EXOC6: variants seen among roughly 807,000 people sequenced by gnomAD.
EXOC6 encodes the protein exocyst complex component 6.
A neutral mutation model predicts 112.5 loss-of-function variants in EXOC6; 60 were observed. The observed-to-expected ratio is 0.53, with a 90% CI of 0.43 to 0.66. The LOEUF (loss-of-function observed/expected upper bound fraction) is 0.66. Ranked by LOEUF, EXOC6 falls within the 30% of genes least tolerant of loss-of-function variation. The pLI is 0.00. For missense variants in EXOC6, 855 were observed against 957.1 expected (o/e 0.89, Z 1.41); for synonymous variants, 295 against 308.0 (o/e 0.96, Z 0.44).
At chr10:93,027,035 G>A (rs1347463238) in intron 20 of EXOC6, among the ~76,000 whole-genome samples, 2 of 152,162 alleles carry the variant, frequency 1.3e-5, no homozygotes, top group African/African-American at 4.8e-5. Context: ...AATAATTATT[G>A]AAGGAAATTA....
intron 18 of EXOC6, among the ~76,000 whole-genome samples, chr10:92,995,406 ATTAAT>A (rs61702215): frequency 0.26 from 39,383 of 151,956 alleles, 5,160 homozygotes; most frequent in Middle Eastern, 0.37. Context: ...TGCTTATGAA[ATTAAT>A]TTAATAGTAA....
chr10:93,034,817 C>T (rs1017781897), intron 20 of EXOC6, among the ~76,000 whole-genome samples: 1 of 152,188 alleles, frequency 6.6e-6, no homozygotes, highest in African/African-American at 2.4e-5. Context: ...ATATTGTATA[C>T]ACACCCTGCC....
intron 1 of EXOC6, among the ~76,000 whole-genome samples, chr10:92,853,779 G>A (rs1847463257): frequency 6.6e-6 from 1 of 152,026 alleles, no homozygotes; most frequent in Non-Finnish European, 1.5e-5. Context: ...AAAACTATAA[G>A]ACTACTAGAA....
chr10:92,990,549 CTTCA>C (rs1319943432), intron 18 of EXOC6, among the ~76,000 whole-genome samples: 1 of 152,126 alleles, frequency 6.6e-6, no homozygotes, highest in Non-Finnish European at 1.5e-5. Flanking sequence ...ATGAGAGTTA[CTTCA>C]TTCATGTTAA....
intron 1 of EXOC6, among the ~76,000 whole-genome samples, chr10:92,853,667 A>G (rs1847457516): frequency 6.6e-6 from 1 of 152,226 alleles, no homozygotes; most frequent in African/African-American, 2.4e-5. Flanking sequence ...ATGGTGGTGG[A>G]AAAATTGGAT....
At chr10:92,886,052 AAG>A (rs1358502162) in intron 1 of EXOC6, among the ~76,000 whole-genome samples, 3 of 152,162 alleles carry the variant, frequency 2.0e-5, no homozygotes, top group African/African-American at 7.2e-5. Flanking sequence ...GGGAGACTGA[AAG>A]AACGAAAAAT....
chr10:92,999,524 G>A lies in EXOC6; in HGVS notation c.2095+1909G>A, dbSNP rs529924389. 5.8e-5 allele frequency: 13 copies of A among 224,564 alleles called. No homozygotes were observed. In the East Asian group the frequency reaches 1.7e-3, roughly 30 times the overall value. 13.9% of individuals were successfully genotyped at this position (224,564 alleles called of 1,614,324 possible). A position where few individuals can be genotyped will look rare whatever the true frequency, so the allele number is the denominator to read the frequency against. On this transcript the variant is annotated intron_variant, in intron 19 of 21. Coordinates refer to ENST00000260762, the MANE Select transcript of EXOC6 (RefSeq NM_019053.6). ...TAAGCATTGCTCAAGACATTTTCGT[G>A]TTACAGTAGTCCCTCTTATCCACAG...
rs540518203 is a variant in EXOC6 at position 93,042,748 on chromosome 10, C to T, written c.2170-14176C>T. 5.3e-5 allele frequency among the ~76,000 whole-genome samples: 8 copies of T among 152,062 alleles called. No individual in the cohort carries two copies. In the South Asian group the frequency reaches 1.5e-3, roughly 28 times the overall value. On this transcript the variant is annotated intron_variant, in intron 20 of 21. Coordinates refer to ENST00000260762, the MANE Select transcript of EXOC6 (RefSeq NM_019053.6). ...TGGTAACCCAAACAGACTAAGACAG[C>T]GTCATAAGAAGTATTAACTCTGAAG...
chr10:92,979,453 G>A (rs1842750673), intron 18 of EXOC6, among the ~76,000 whole-genome samples: 1 of 152,198 alleles, frequency 6.6e-6, no homozygotes, highest in Admixed American at 6.5e-5. Flanking sequence ...TCTGCTCACA[G>A]GACATGAGAA....
chr10:93,006,735 G>A (rs1428603309), intron 19 of EXOC6, among the ~76,000 whole-genome samples: 1 of 152,142 alleles, frequency 6.6e-6, no homozygotes, highest in Non-Finnish European at 1.5e-5. Flanking sequence ...CAAAACTTGA[G>A]TTCTTACTAG....
At position 93,053,668 on chromosome 10, in the gene EXOC6, A is replaced by G. The variant is rs1303075322; in HGVS notation, c.2170-3256A>G. On this transcript the variant is annotated intron_variant, in intron 20 of 21. Transcript: ENST00000260762. Reference sequence around the variant, plus strand: ...GCATAAGCTAAAGTAGCCTGTACTTATAAAGCCTAAGAAAAAAGCTCCCAA... The same window carrying G: ...GCATAAGCTAAAGTAGCCTGTACTTGTAAAGCCTAAGAAAAAAGCTCCCAA... Among the ~76,000 whole-genome samples, 4 of 152,366 alleles carry G rather than the reference A, an allele frequency of 2.6e-5. No individual in the cohort carries two copies. The East Asian group carries it at 7.7e-4, about 29-fold the overall frequency.
chr10:92,848,492 C>T (rs1237221568), upstream of EXOC6: 2 of 1,278,950 alleles, frequency 1.6e-6, no homozygotes, highest in Admixed American at 2.8e-5. Flanking sequence ...CCCGTCGTTC[C>T]CGCGGCGCCG....
upstream of EXOC6, chr10:92,834,681 AC>A: frequency 1.5e-6 from 2 of 1,343,464 alleles, no homozygotes; most frequent in Non-Finnish European, 2.1e-6. Flanking sequence ...ATAAATTACA[AC>A]AGTTTTTCAC....
intron 2 of EXOC6, 50 bp from the exon 3 acceptor site, chr10:92,894,744 G>C (rs745357682): frequency 6.9e-7 from 1 of 1,449,458 alleles, no homozygotes; most frequent in South Asian, 1.2e-5. Flanking sequence ...AGTTACATCA[G>C]GGCAGTTTTA....
chr10:93,004,281 G>A (rs1360324069), intron 19 of EXOC6, among the ~76,000 whole-genome samples: 1 of 152,116 alleles, frequency 6.6e-6, no homozygotes, highest in Non-Finnish European at 1.5e-5. Context: ...GAAATTGCAG[G>A]TATCTTACAG....
chr10:92,993,590 A>G (rs1843357701), intron 18 of EXOC6, among the ~76,000 whole-genome samples: 1 of 152,210 alleles, frequency 6.6e-6, no homozygotes, highest in Non-Finnish European at 1.5e-5. Flanking sequence ...ATATTAGAGT[A>G]GATCATGAAA....
intron 20 of EXOC6, among the ~76,000 whole-genome samples, chr10:93,044,346 A>T (rs925977405): frequency 1.3e-5 from 2 of 152,242 alleles, no homozygotes; most frequent in East Asian, 3.8e-4. Context: ...AGTAAACTAA[A>T]TGCACATCTT....
At chr10:93,054,800 C>CAA (rs1473339293) in intron 20 of EXOC6, among the ~76,000 whole-genome samples, 1 of 152,196 alleles carries the variant, frequency 6.6e-6, no homozygotes, top group Non-Finnish European at 1.5e-5. Flanking sequence ...CAAATACACA[C>CAA]ATATACCTGA....
At chr10:92,938,367 T>C (rs1324822898) in intron 12 of EXOC6, among the ~76,000 whole-genome samples, 5 of 152,120 alleles carry the variant, frequency 3.3e-5, no homozygotes, top group Admixed American at 2.6e-4. Context: ...ATTAGGTCTA[T>C]CTTATACTGA....
Sources: gnomAD v4.1 joint callset for allele counts (sites outside exome capture counted in the v4.1 genomes callset) on GRCh38, gnomAD v4.1.1 for gene constraint, MANE v1.5 for transcripts, NCBI Gene and HGNC (gene_info 2026-07-23, HGNC 2026-07-21) for gene names.